The following KLHL20 variants were observed in gnomAD, a reference collection of about 807,000 sequenced individuals.
KLHL20 encodes kelch-like protein 20.
A neutral mutation model predicts 69.5 loss-of-function variants in KLHL20; 29 were observed. The observed-to-expected ratio is 0.42, with a 90% CI of 0.31 to 0.57. The LOEUF (loss-of-function observed/expected upper bound fraction) is 0.57. KLHL20 is among the 20% of genes least tolerant of loss of function. KLHL20 has a pLI of 0.18. For synonymous variants in KLHL20, 253 were observed against 265.2 expected (o/e 0.95, Z 0.45); for missense variants, 419 against 776.0 (o/e 0.54, Z 5.47).
chr1:173,717,582 T>C (rs1189815910), intron 2 of KLHL20, among the ~76,000 whole-genome samples: 1 of 152,214 alleles, frequency 6.6e-6, no homozygotes, highest in Non-Finnish European at 1.5e-5. Flanking sequence ...TAATGCTGGG[T>C]TTATACTCAG....
At chr1:173,759,203 C>T (rs1461315966) in intron 7 of KLHL20, among the ~76,000 whole-genome samples, 1 of 152,108 alleles carries the variant, frequency 6.6e-6, no homozygotes. Flanking sequence ...TCTCTTCCCC[C>T]ATCCCCAACA....
At chr1:173,766,928 TA>T (rs1647766391) in intron 8 of KLHL20, among the ~76,000 whole-genome samples, 1 of 152,178 alleles carries the variant, frequency 6.6e-6, no homozygotes, top group Admixed American at 6.5e-5. Context: ...TGAGAACACT[TA>T]AAATCTACTC....
intron 6 of KLHL20, among the ~76,000 whole-genome samples, chr1:173,756,530 CAAAAAAT>C (rs930625717): frequency 6.6e-6 from 1 of 151,732 alleles, no homozygotes; most frequent in African/African-American, 2.4e-5. Context: ...GATCCTGTCT[CAAAAAAT>C]AAAAAATAAA....
At chr1:173,751,485 A>T (rs892850697) in intron 3 of KLHL20, among the ~76,000 whole-genome samples, 2 of 152,068 alleles carry the variant, frequency 1.3e-5, no homozygotes, top group Admixed American at 6.6e-5. Flanking sequence ...TGATATAGTT[A>T]ATTTGTCTTA....
chr1:173,772,185 TAAAG>T (rs1056213590), intron 8 of KLHL20, among the ~76,000 whole-genome samples: 3 of 152,176 alleles, frequency 2.0e-5, no homozygotes, highest in African/African-American at 4.8e-5. Flanking sequence ...ATTTCCCACT[TAAAG>T]AAACCAGAGC....
intron 11 of KLHL20, among the ~76,000 whole-genome samples, chr1:173,784,649 A>T (rs1211246293): frequency 1.3e-5 from 2 of 152,206 alleles, no homozygotes; most frequent in Non-Finnish European, 2.9e-5. Flanking sequence ...TTTGAAGATG[A>T]TCTTGTCACA....
chr1:173,735,599 C>T (rs368520453), intron 3 of KLHL20, among the ~76,000 whole-genome samples: 3 of 152,040 alleles, frequency 2.0e-5, no homozygotes, highest in Admixed American at 2.0e-4. Flanking sequence ...CAGCTCAGGA[C>T]CATAGTTTTT....
At chr1:173,763,557 G>A (rs1647456123) in intron 7 of KLHL20, among the ~76,000 whole-genome samples, 1 of 152,114 alleles carries the variant, frequency 6.6e-6, no homozygotes. Flanking sequence ...CAATGGAACA[G>A]AATAGAGAAC....
chr1:173,780,975 G>A (rs956875481), intron 10 of KLHL20, among the ~76,000 whole-genome samples: 9 of 148,264 alleles, frequency 6.1e-5, no homozygotes, highest in Admixed American at 1.4e-4. Flanking sequence ...CTGAGTGACA[G>A]AGCGAGACCC....
At chr1:173,785,055 A>G in intron 11 of KLHL20, 108 bp from the exon 12 acceptor site, 1 of 800,008 alleles carries the variant, frequency 1.2e-6, no homozygotes, top group South Asian at 1.7e-5. Context: ...TATTAGTTGT[A>G]ATATAAAACA....
At position 173,753,215 on chromosome 1, in the gene KLHL20, G is replaced by A. The variant is rs772181677; in HGVS notation, c.759G>A (p.Val253=). The A allele has an allele frequency of 1.9e-6, 3 of 1,612,484 alleles. No individual in the cohort carries two copies. The highest frequency in any genetic ancestry group is 4.5e-5 in the East Asian group (2 of 44,858). Residue 253 remains valine, a splice_region_variant and synonymous_variant, in exon 5 of 12, where the codon GTG becomes GTA. Coordinates refer to ENST00000209884, the MANE Select transcript of KLHL20 (RefSeq NM_014458.4). ...TAATGGTGTTTATTTTCTCATAGGT[G>A]CTGCAGCATGTTCGTTTGCCTTTGC... ...IQERRPQLPQ[V]LQHVRLPLLS... is the part of the protein sequence containing the mutation.
chr1:173,718,809 A>C (rs1671580628), intron 2 of KLHL20, among the ~76,000 whole-genome samples: 1 of 152,174 alleles, frequency 6.6e-6, no homozygotes, highest in African/African-American at 2.4e-5. Context: ...TATTCACTTG[A>C]AAAATTATTT....
At chr1:173,744,709 T>C (rs1383194484) in intron 3 of KLHL20, among the ~76,000 whole-genome samples, 2 of 152,204 alleles carry the variant, frequency 1.3e-5, no homozygotes, top group Non-Finnish European at 2.9e-5. Context: ...TAAAAGCCTT[T>C]CTTTGCCCCA....
In KLHL20 at chr1:173,733,944, T is replaced by G; in HGVS notation, c.255T>G (p.Ile85Met). 6.2e-7 allele frequency: 1 copy of G among 1,614,166 alleles called. No homozygotes were observed. Among genetic ancestry groups the G allele is most frequent in the Non-Finnish European group, 8.5e-7 (1 of 1,180,030 alleles). The stretch of plus-strand genomic sequence containing the variant: ...AGAAGATATATGCCCATCGAGTCAT[T>G]TTGTCAGCCTGTAGTCCCTACTTCC... ...GAKKIYAHRV[I>M]LSACSPYFRA... The change falls in exon 3 of 12, where the codon ATT (isoleucine) becomes ATG (methionine). Residue 85 changes from isoleucine to methionine, a missense_variant. This residue lies in a region of KLHL20 where 129 missense variants were observed against 183.6 expected (regional missense o/e 0.70). Transcript: ENST00000209884.
intron 3 of KLHL20, among the ~76,000 whole-genome samples, chr1:173,735,611 T>A (rs952859662): frequency 3.3e-5 from 5 of 152,182 alleles, no homozygotes. Flanking sequence ...ATAGTTTTTT[T>A]CCCCCTAATA....
At chr1:173,775,994 C>A (rs1648440452) in intron 10 of KLHL20, 152 bp downstream of exon 10, 1 of 669,314 alleles carries the variant, frequency 1.5e-6, no homozygotes, top group Non-Finnish European at 2.5e-6. Context: ...TATGATATTT[C>A]TATTTTTAGT....
chr1:173,769,359 T>C (rs1266686365), intron 8 of KLHL20, among the ~76,000 whole-genome samples: 1 of 152,200 alleles, frequency 6.6e-6, no homozygotes, highest in Middle Eastern at 3.4e-3. Flanking sequence ...CTCTCAAAAC[T>C]GACCAGCCAG....
At chr1:173,724,159 A>G (rs1240272242) in intron 2 of KLHL20, among the ~76,000 whole-genome samples, 2 of 150,648 alleles carry the variant, frequency 1.3e-5, no homozygotes, top group East Asian at 1.9e-4. Flanking sequence ...TACATGATAT[A>G]TATGTTTTGG....
chr1:173,751,176 A>G (rs1264495948), intron 3 of KLHL20, among the ~76,000 whole-genome samples: 1 of 152,160 alleles, frequency 6.6e-6, no homozygotes, highest in East Asian at 1.9e-4. Context: ...ACAAGGTAAT[A>G]TCCTTGTTGC....
Sources: gnomAD v4.1 joint callset for allele counts (sites outside exome capture counted in the v4.1 genomes callset) on GRCh38, gnomAD v4.1.1 for gene constraint, gnomAD v4.1.1 regional missense constraint, MANE v1.5 for transcripts, NCBI Gene and HGNC (gene_info 2026-07-23, HGNC 2026-07-21) for gene names.